Variants in TRAPPC3 observed in about 807,000 individuals in gnomAD.
TRAPPC3 encodes the protein trafficking protein particle complex 3.
A neutral mutation model predicts 18.2 loss-of-function variants in TRAPPC3; 5 were observed. The ratio of observed to expected loss-of-function variants is 0.28; its 90% CI spans 0.14 to 0.58. The LOEUF (loss-of-function observed/expected upper bound fraction) is 0.58. Ranked by LOEUF, TRAPPC3 falls within the 20% of genes least tolerant of loss-of-function variation. The pLI is 0.91. For synonymous variants in TRAPPC3, 65 were observed against 84.2 expected (o/e 0.77, Z 1.25); for missense variants, 176 against 225.9 (o/e 0.78, Z 1.41).
chr1:36,148,053 G>A (rs1644226676), intron 1 of TRAPPC3, among the ~76,000 whole-genome samples: 1 of 152,210 alleles, frequency 6.6e-6, no homozygotes, highest in African/African-American at 2.4e-5. Flanking sequence ...ATATTAGGTA[G>A]ACATTACTAT....
intron 3 of TRAPPC3, 76 bp downstream of exon 3, chr1:36,139,644 G>A (rs939817352): frequency 1.3e-6 from 2 of 1,587,556 alleles, no homozygotes; most frequent in African/African-American, 2.7e-5. Flanking sequence ...GCCTCTCTAA[G>A]GGAGATAGAA....
upstream of TRAPPC3, among the ~76,000 whole-genome samples, chr1:36,153,853 T>G (rs1173780023): frequency 1.3e-5 from 2 of 152,164 alleles, no homozygotes; most frequent in African/African-American, 4.8e-5. Flanking sequence ...CTGCTCACCC[T>G]TCCTCTACTG....
chr1:36,137,218 T>G lies in TRAPPC3; in HGVS notation c.528A>C (p.Pro176=), dbSNP rs1390932973. The change falls in exon 5 of 5, where the codon CCA becomes CCC. Residue 176 remains proline (P), a synonymous_variant. Coordinates refer to ENST00000373166, the MANE Select transcript of TRAPPC3 (RefSeq NM_014408.5). ...RFIRRIEDNL[P]AGEE is the part of the protein sequence containing the mutation. ...GTAGGGATGGTTATTCCTCTCCAGCTGGAAGATTGTCCTCAATCCGCCTGA... is the reference window on the plus strand; with the variant it reads ...GTAGGGATGGTTATTCCTCTCCAGCGGGAAGATTGTCCTCAATCCGCCTGA... The G allele has an allele frequency of 6.2e-7, 1 of 1,610,530 alleles. No homozygotes were observed. The highest frequency in any genetic ancestry group is 1.7e-5 in the Admixed American group (1 of 59,978).
chr1:36,149,776 T>C (rs1339637910), upstream of TRAPPC3, among the ~76,000 whole-genome samples: 1 of 151,772 alleles, frequency 6.6e-6, no homozygotes, highest in African/African-American at 2.4e-5. Context: ...CGCGCCCGGC[T>C]CAGAGATGAT....
intron 1 of TRAPPC3, among the ~76,000 whole-genome samples, chr1:36,142,600 G>A (rs540402578): frequency 4.6e-5 from 7 of 152,152 alleles, no homozygotes; most frequent in Non-Finnish European, 1.0e-4. Flanking sequence ...CTGGGATCTC[G>A]GAATGGGATC....
At chr1:36,148,421 C>A (rs1481834662) in intron 1 of TRAPPC3, among the ~76,000 whole-genome samples, 1 of 152,136 alleles carries the variant, frequency 6.6e-6, no homozygotes, top group Non-Finnish European at 1.5e-5. Context: ...ATGGTGAAAC[C>A]CCATCTCTAC....
rs1553181270 is a variant in TRAPPC3 at position 36,144,309 on chromosome 1, A to AAAAAAAG, written c.43-4144_43-4143insCTTTTTT. 3.5e-3 allele frequency among the ~76,000 whole-genome samples: 497 copies of AAAAAAAG among 143,522 alleles called. 4 individuals are homozygous for AAAAAAAG. The highest frequency in any genetic ancestry group is 0.013 in the African/African-American group (478 of 35,828). The allele number at this position is 143,522 out of a possible 152,430, so 94.2% of individuals were successfully genotyped here. On this transcript the variant is annotated intron_variant, in intron 1 of 4. Coordinates refer to ENST00000373166, the MANE Select transcript of TRAPPC3 (RefSeq NM_014408.5). ...GTCTCCAAAAAAAAAAAAAAAAAAA[A>AAAAAAAG]GGGAGGGCAAGTCATAAAGAAAGAA...
At chr1:36,137,364 C>A (rs370714828) in intron 4 of TRAPPC3, 42 bp from the exon 5 acceptor site, 2 of 1,593,224 alleles carry the variant, frequency 1.3e-6, no homozygotes, top group African/African-American at 2.7e-5. Flanking sequence ...TGCCTGGCCA[C>A]AGCCTCTAGG....
rs998676222 is a variant in TRAPPC3, at chr1:36,140,137, A to G, written c.72T>C (p.Gly24=). 1.2e-6 allele frequency: 2 copies of G among 1,603,960 alleles called. No individual in the cohort carries two copies. Among genetic ancestry groups the G allele is most frequent in the African/African-American group, 2.7e-5 (2 of 74,316 alleles). Residue 24 remains glycine (G), a synonymous_variant, in exon 2 of 5, where the codon GGT becomes GGC. Coordinates refer to ENST00000373166, the MANE Select transcript of TRAPPC3 (RefSeq NM_014408.5). ...MSSELFTLTY[G]ALVTQLCKDY... ...CCTTACATAGCTGGGTGACCAGGGC[A>G]CCATAGGTCAGGGTGAAGAGCTCAG...
rs1010122872 is a variant in TRAPPC3 at position 36,139,736 on chromosome 1, G to A, written c.224C>T (p.Ala75Val). Residue 75 changes from alanine (A) to valine (V), a missense_variant, in exon 3 of 5, where the codon GCG (alanine) becomes GTG (valine). Ala to Val is a moderately conservative substitution (Grantham distance 64). This residue lies in a region of TRAPPC3 where 147 missense variants were observed against 164.3 expected (regional missense o/e 0.89). Transcript: ENST00000373166. ...AATAATGACCTTGGCAATGACATCC[G>A]CAGTTTCCCGAAAGTCATGGCACCT... ...VGRCHDFRET[A>V]DVIAKVAFKM... The A allele has an allele frequency of 2.5e-6, 4 of 1,614,072 alleles. No homozygotes were observed. The highest frequency in any genetic ancestry group is 3.4e-6 in the Non-Finnish European group (4 of 1,180,020).
At chr1:36,143,835 T>C (rs535634857) in intron 1 of TRAPPC3, among the ~76,000 whole-genome samples, 1 of 152,340 alleles carries the variant, frequency 6.6e-6, no homozygotes, top group South Asian at 2.1e-4. Context: ...CATTAGTTTT[T>C]CCCATCTGTA....
At chr1:36,156,021 G>C (rs1644319175) in exon 1 of TRAPPC3, 2 of 171,722 alleles carry the variant, frequency 1.2e-5, no homozygotes, top group Non-Finnish European at 2.5e-5. Flanking sequence ...GCGGGGCTCC[G>C]GGGCGGGGGC....
chr1:36,138,634 C>T (rs1048096319), intron 3 of TRAPPC3, among the ~76,000 whole-genome samples: 1 of 152,170 alleles, frequency 6.6e-6, no homozygotes. Flanking sequence ...ATATGCACAA[C>T]ACTATGCTAA....
upstream of TRAPPC3, among the ~76,000 whole-genome samples, chr1:36,153,991 TTTTG>T (rs910332415): frequency 3.3e-5 from 5 of 152,172 alleles, no homozygotes; most frequent in Admixed American, 2.6e-4. Context: ...CCACTATTCC[TTTTG>T]TTTGTTTGGC....
chr1:36,145,045 G>A (rs779910529), intron 1 of TRAPPC3, among the ~76,000 whole-genome samples: 22 of 150,660 alleles, frequency 1.5e-4, no homozygotes, highest in African/African-American at 4.2e-4. Context: ...TTTTTGAGAC[G>A]GAGTCTCGCT....
chr1:36,138,049 C>G, intron 3 of TRAPPC3, 71 bp from the exon 4 acceptor site: 1 of 1,608,288 alleles, frequency 6.2e-7, no homozygotes, highest in South Asian at 1.1e-5. Flanking sequence ...GGTGACAGAA[C>G]TGGCAAAGGG....
At chr1:36,151,244 C>T (rs907066366), upstream of TRAPPC3, among the ~76,000 whole-genome samples, 11 of 152,140 alleles carry the variant, frequency 7.2e-5, no homozygotes, top group African/African-American at 2.4e-4. Context: ...CTTCTTAGGC[C>T]GAGCACAGTG....
chr1:36,141,254 CA>C (rs1281482920), intron 1 of TRAPPC3, among the ~76,000 whole-genome samples: 3 of 152,082 alleles, frequency 2.0e-5, no homozygotes, highest in Non-Finnish European at 4.4e-5. Flanking sequence ...AAGCAGCAGG[CA>C]GGGGGAAAGG....
intron 4 of TRAPPC3, 40 bp downstream of exon 4, chr1:36,137,756 T>C (rs1206732245): frequency 1.9e-6 from 3 of 1,589,162 alleles, no homozygotes; most frequent in Non-Finnish European, 1.7e-6. Flanking sequence ...AAGTCCCTAT[T>C]GCATTTCGGG....
Sources: allele counts gnomAD v4.1 joint callset (sites outside exome capture counted in the v4.1 genomes callset), GRCh38; gene constraint gnomAD v4.1.1; regional missense constraint gnomAD v4.1.1; transcripts MANE v1.5; gene names NCBI Gene and HGNC (gene_info 2026-07-23, HGNC 2026-07-21).